The following UMAD1 variants were observed in gnomAD, a reference collection of about 807,000 sequenced individuals.
UMAD1 encodes the protein UBAP1-MVB12-associated (UMA)-domain containing protein 1.
UMAD1 carries 8 observed loss-of-function variants against 6.1 expected under a neutral mutation model. The observed-to-expected ratio is 1.30, with a 90% CI of 0.76 to 2.35. The LOEUF (loss-of-function observed/expected upper bound fraction) is 2.35. UMAD1 is among the 30% of genes most tolerant of loss of function. The pLI, the probability that UMAD1 is intolerant of heterozygous loss-of-function variation, is 0.00. For missense variants in UMAD1, 130 were observed against 78.4 expected, an observed-to-expected ratio of 1.66 and a Z score of -2.49; for synonymous variants, 56 against 31.4, an observed-to-expected ratio of 1.78 and a Z score of -2.61.
intron 2 of UMAD1, among the ~76,000 whole-genome samples, chr7:7,675,047 T>C (rs566303285): frequency 5.3e-5 from 8 of 152,226 alleles, no homozygotes; most frequent in Non-Finnish European, 1.0e-4. Flanking sequence ...TTAAAGAAAA[T>C]AGAGATGGGG....
intron 2 of UMAD1, among the ~76,000 whole-genome samples, chr7:7,716,654 G>C (rs1043084069): frequency 1.3e-5 from 2 of 152,216 alleles, no homozygotes; most frequent in Non-Finnish European, 2.9e-5. Flanking sequence ...GATTAGGGTG[G>C]AGGCCGGCGC....
intron 1 of UMAD1, among the ~76,000 whole-genome samples, chr7:7,642,838 G>A (rs993711367): frequency 6.6e-6 from 1 of 152,150 alleles, no homozygotes; most frequent in African/African-American, 2.4e-5. Flanking sequence ...TGAAATTTGT[G>A]TTAAGCTTCC....
At chr7:7,874,709 G>C (rs1241409278) in intron 3 of UMAD1, among the ~76,000 whole-genome samples, 1 of 152,048 alleles carries the variant, frequency 6.6e-6, no homozygotes, top group East Asian at 1.9e-4. Context: ...GCAAAACTCT[G>C]TCTCAAAATA....
At chr7:7,720,360 C>A (rs984022766) in intron 2 of UMAD1, among the ~76,000 whole-genome samples, 1 of 152,050 alleles carries the variant, frequency 6.6e-6, no homozygotes, top group African/African-American at 2.4e-5. Flanking sequence ...AGCGAATAAC[C>A]CTGGGCCTCT....
At chr7:7,840,377 C>G (rs115691812) in intron 3 of UMAD1, among the ~76,000 whole-genome samples, 1 of 152,072 alleles carries the variant, frequency 6.6e-6, no homozygotes, top group African/African-American at 2.4e-5. Context: ...TATTGATGCC[C>G]CGGCCCCACC....
chr7:7,830,259 C>T lies in UMAD1; in HGVS notation c.156+28516C>T, dbSNP rs1488513943. ...AAACATGCGTTGTAATCACACGGCT[C>T]TCTGTCTGCTTGCTAAAGATTGAGT... On this transcript the variant is annotated intron_variant, in intron 3 of 3. Coordinates refer to ENST00000682710, the MANE Select transcript of UMAD1 (RefSeq NM_001302348.2). This position sits in a 1 kb window ranked among gnomAD's most constrained non-coding sequence, Gnocchi z 5.3. 6.6e-6 allele frequency among the ~76,000 whole-genome samples: 1 copy of T among 152,086 alleles called. No individual in the cohort carries two copies. Among genetic ancestry groups the T allele is most frequent in the Non-Finnish European group, 1.5e-5 (1 of 68,030 alleles).
intron 3 of UMAD1, among the ~76,000 whole-genome samples, chr7:7,826,542 A>G (rs984909039): frequency 6.6e-6 from 1 of 152,190 alleles, no homozygotes; most frequent in Non-Finnish European, 1.5e-5. Context: ...CAATTGGTGA[A>G]TAGAAAAATG....
chr7:7,674,011 G>C (rs1779677589), intron 2 of UMAD1, among the ~76,000 whole-genome samples: 1 of 152,140 alleles, frequency 6.6e-6, no homozygotes, highest in African/African-American at 2.4e-5. Flanking sequence ...GTTCTGAAAA[G>C]TAAAATTTCC....
chr7:7,760,474 T>C (rs1393727572), intron 2 of UMAD1, among the ~76,000 whole-genome samples: 1 of 150,656 alleles, frequency 6.6e-6, no homozygotes, highest in African/African-American at 2.4e-5. Flanking sequence ...TTATAAGTAG[T>C]TTATTATACA....
At chr7:7,758,875 A>G (rs1563183454) in intron 2 of UMAD1, among the ~76,000 whole-genome samples, 1 of 152,158 alleles carries the variant, frequency 6.6e-6, no homozygotes, top group Admixed American at 6.5e-5. Flanking sequence ...GTTAGAGACA[A>G]TACTGCCACA....
At chr7:7,788,314 A>G (rs1279148490) in intron 2 of UMAD1, among the ~76,000 whole-genome samples, 1 of 152,178 alleles carries the variant, frequency 6.6e-6, no homozygotes, top group Non-Finnish European at 1.5e-5. Flanking sequence ...ACATATTGTT[A>G]GCTGGTTGAA....
chr7:7,851,243 T>C (rs750735835), intron 3 of UMAD1, among the ~76,000 whole-genome samples: 4 of 152,166 alleles, frequency 2.6e-5, no homozygotes, highest in Admixed American at 6.6e-5. Context: ...TCCTTCTCAT[T>C]CCTTTTATTG....
intron 1 of UMAD1, among the ~76,000 whole-genome samples, chr7:7,671,433 G>A (rs1055821815): frequency 3.9e-5 from 6 of 152,172 alleles, no homozygotes; most frequent in South Asian, 4.1e-4. Context: ...TCTACACTGA[G>A]GTTTTAATAT....
rs537904677 is a variant in UMAD1, at chr7:7,672,750, CCTTT to C, written c.-63-554_-63-551del. Among the ~76,000 whole-genome samples, 12 of 152,242 alleles carry C rather than the reference CCTTT, an allele frequency of 7.9e-5. No individual in the cohort carries two copies. The South Asian group carries it at 2.5e-3, about 32-fold the overall frequency. On this transcript the variant is annotated intron_variant, in intron 1 of 3. Transcript: ENST00000682710. ...GTGAAACTGTGAGTCAATTAAATCT[CCTTT>C]CTTTATAAATCACTCAGTCGAGGAT...
chr7:7,669,262 G>A (rs1779546227), intron 1 of UMAD1, among the ~76,000 whole-genome samples: 1 of 152,128 alleles, frequency 6.6e-6, no homozygotes, highest in Non-Finnish European at 1.5e-5. Flanking sequence ...ACGGTATTTT[G>A]ATATAGGGTC....
At chr7:7,699,885 T>C (rs564957837) in intron 2 of UMAD1, among the ~76,000 whole-genome samples, 1 of 152,334 alleles carries the variant, frequency 6.6e-6, no homozygotes, top group Non-Finnish European at 1.5e-5. Context: ...TTTATATAAG[T>C]GGAAATACGT....
intron 2 of UMAD1, among the ~76,000 whole-genome samples, chr7:7,762,197 A>T (rs1283385038): frequency 6.6e-6 from 1 of 152,208 alleles, no homozygotes; most frequent in Non-Finnish European, 1.5e-5. Flanking sequence ...CAACACCAGG[A>T]GAACAAATTA....
At chr7:7,799,478 A>G (rs1415919335) in intron 2 of UMAD1, among the ~76,000 whole-genome samples, 1 of 152,200 alleles carries the variant, frequency 6.6e-6, no homozygotes, top group Admixed American at 6.5e-5. Context: ...AAATCAGAAA[A>G]TGGCGAAGGA....
intron 2 of UMAD1, among the ~76,000 whole-genome samples, chr7:7,799,945 G>A (rs542565266): frequency 1.3e-5 from 2 of 152,302 alleles, no homozygotes; most frequent in Admixed American, 1.3e-4. Flanking sequence ...GTGCAATGGC[G>A]CGTTCTCGGC....
Sources: gnomAD v4.1 joint callset for allele counts (sites outside exome capture counted in the v4.1 genomes callset) on GRCh38, gnomAD v4.1.1 for gene constraint, Gnocchi (gnomAD v3.1) non-coding constraint, MANE v1.5 for transcripts, NCBI Gene and HGNC (gene_info 2026-07-23, HGNC 2026-07-21) for gene names.